The following RBM14 variants were observed in gnomAD, a reference collection of about 807,000 sequenced individuals.
RBM14 encodes RNA binding motif protein 14, also known as RNA-binding protein 14.
A neutral mutation model predicts 52.8 loss-of-function variants in RBM14; 5 were observed. That is an observed-to-expected ratio of 0.09 (90% confidence interval 0.05 to 0.20). The LOEUF is 0.20. Ranked by LOEUF, RBM14 falls within the 10% of genes least tolerant of loss-of-function variation. The pLI is 1.00. For synonymous variants in RBM14, 411 were observed against 401.8 expected, an observed-to-expected ratio of 1.02 and a Z score of -0.28; for missense variants, 780 against 926.6, an observed-to-expected ratio of 0.84 and a Z score of 2.05.
chr11:66,620,042 CAAG>C (rs1859034015), intron 1 of RBM14, among the ~76,000 whole-genome samples: 1 of 152,154 alleles, frequency 6.6e-6, no homozygotes, highest in Non-Finnish European at 1.5e-5. Context: ...GATCTGTGGG[CAAG>C]AAGGTTCCTG....
rs761053620 is a variant in RBM14, at chr11:66,625,252, G to T, written c.1376G>T (p.Gly459Val). ...GCACAAGCCACTACCCCAATGGCTG[G>T]CTCCTATGGGGCCCAGCCGGTTGTG... ...YAAQATTPMAGSYGAQPVVQT... is the reference protein window; with the variant it reads ...YAAQATTPMAVSYGAQPVVQT... The change falls in exon 2 of 3, where the codon GGC becomes GTC. Residue 459 changes from glycine to valine, a missense_variant. By Grantham distance (109) the Gly-to-Val change is moderately radical. Transcript: ENST00000310137. The surrounding 1 kb of genome is among the most constrained non-coding windows in gnomAD (Gnocchi z 4.2). 1 of 1,611,840 alleles carries T rather than the reference G, an allele frequency of 6.2e-7. No individual in the cohort carries two copies. The highest frequency in any genetic ancestry group is 1.1e-5 in the South Asian group (1 of 91,024).
chr11:66,618,152 C>T (rs1463950886), intron 1 of RBM14, among the ~76,000 whole-genome samples: 1 of 152,146 alleles, frequency 6.6e-6, no homozygotes, highest in African/African-American at 2.4e-5. Flanking sequence ...TTTGGTGGGA[C>T]AGCCGTTGTG....
Position 66,628,431 on chromosome 11 carries a change from T to C in RBM14, c.*1763T>C, listed in dbSNP as rs1340417411. ...TCATGTGAACTTGCCTGTGACAGAA[T>C]ATCTTGCCCTAGATGTCCTCTTCCC... On this transcript the variant is annotated 3_prime_UTR_variant, in exon 3 of 3. Transcript: ENST00000310137. Among the ~76,000 whole-genome samples, 1 of 152,202 alleles carries C rather than the reference T, an allele frequency of 6.6e-6. No homozygotes were observed. Among genetic ancestry groups the C allele is most frequent in the Non-Finnish European group, 1.5e-5 (1 of 68,038 alleles).
intron 1 of RBM14, chr11:66,618,512 A>G (rs755666389): frequency 7.1e-5 from 51 of 717,292 alleles, no homozygotes; most frequent in Non-Finnish European, 1.2e-4. Context: ...CAAGTCCACG[A>G]CTATCCGGAA....
rs1330829756 is a variant in RBM14, at chr11:66,628,743, G to A, written c.*2075G>A. ...TTGGTTATTACCCTGGAAAATTGAGGGTTGATGGTAGGGTTATGATTGTGG... is the reference window on the plus strand; with the variant it reads ...TTGGTTATTACCCTGGAAAATTGAGAGTTGATGGTAGGGTTATGATTGTGG... On this transcript the variant is annotated 3_prime_UTR_variant, in exon 3 of 3. Transcript: ENST00000310137. 6.6e-6 allele frequency among the ~76,000 whole-genome samples: 1 copy of A among 152,106 alleles called. No individual in the cohort carries two copies. Among genetic ancestry groups the A allele is most frequent in the African/African-American group, 2.4e-5 (1 of 41,412 alleles).
chr11:66,618,236 C>T (rs1046505280), intron 1 of RBM14, among the ~76,000 whole-genome samples: 9 of 152,118 alleles, frequency 5.9e-5, no homozygotes, highest in African/African-American at 1.7e-4. Flanking sequence ...AAGATGCAGC[C>T]TGGGAGTATC....
Position 66,629,567 on chromosome 11 carries a change from A to G in RBM14, c.*2899A>G, listed in dbSNP as rs973023269. The stretch of plus-strand genomic sequence containing the variant: ...CCAGGCATATTGTCCTATTAAGCCA[A>G]ATAGGTGGACATCATGGGATGGATG... On this transcript the variant is annotated 3_prime_UTR_variant, in exon 3 of 3. Transcript: ENST00000310137. Among the ~76,000 whole-genome samples the G allele has an allele frequency of 3.3e-5, 5 of 152,238 alleles. No individual in the cohort carries two copies. Among genetic ancestry groups the G allele is most frequent in the African/African-American group, 9.6e-5 (4 of 41,468 alleles).
In RBM14 at chr11:66,616,640, A is replaced by C; in HGVS notation, c.-81A>C. ...TCTCGGTCGCCAGCCATTCCTGAGG[A>C]GGACTGCCGGTCGTTCGGACGTCTT... On this transcript the variant is annotated 5_prime_UTR_variant, in exon 1 of 3. Transcript: ENST00000310137. The C allele has an allele frequency of 1.4e-6, 2 of 1,473,592 alleles. No individual in the cohort carries two copies. The highest frequency in any genetic ancestry group is 1.4e-5 in the South Asian group (1 of 72,526). The allele number at this position is 1,473,592 out of a possible 1,614,324, so 91.3% of individuals were successfully genotyped here.
In RBM14 at chr11:66,624,526, T is replaced by C; in HGVS notation, c.650T>C (p.Leu217Pro). The change falls in exon 2 of 3, where the codon CTG becomes CCG. Residue 217 changes from leucine to proline, a missense_variant. Coordinates refer to ENST00000310137, the MANE Select transcript of RBM14 (RefSeq NM_006328.4). This position sits in a 1 kb window ranked among gnomAD's most constrained non-coding sequence, Gnocchi z 4.7. ...PPFFGRDRSPLRRSPPRASYV... is the reference protein window; with the variant it reads ...PPFFGRDRSPPRRSPPRASYV... ...TTCTTTGGTCGCGACCGCAGCCCTC[T>C]GCGCCGTTCACCTCCCCGAGCCTCT... 6.2e-7 allele frequency: 1 copy of C among 1,613,620 alleles called. No homozygotes were observed. Among genetic ancestry groups the C allele is most frequent in the Non-Finnish European group, 8.5e-7 (1 of 1,179,964 alleles).
Position 66,617,260 on chromosome 11 carries a change from C to T in RBM14, c.337+203C>T, listed in dbSNP as rs1858881271. 39 of 1,390,146 alleles carry T rather than the reference C, an allele frequency of 2.8e-5. No individual in the cohort carries two copies. In the East Asian group the frequency reaches 1.0e-3, roughly 36 times the overall value. 86.1% of individuals were successfully genotyped at this position (1,390,146 alleles called of 1,614,324 possible). ...GAACCGTCCACCAAGTAGGAGGAAGCGGCTCTGGGTGGGTGCGGCGGCCAC... is the reference window on the plus strand; with the variant it reads ...GAACCGTCCACCAAGTAGGAGGAAGTGGCTCTGGGTGGGTGCGGCGGCCAC... On this transcript the variant is annotated intron_variant, in intron 1 of 2. Coordinates refer to ENST00000310137, the MANE Select transcript of RBM14 (RefSeq NM_006328.4).
At chr11:66,618,751 A>G (rs1018951443) in intron 1 of RBM14, among the ~76,000 whole-genome samples, 2 of 152,302 alleles carry the variant, frequency 1.3e-5, no homozygotes, top group Admixed American at 1.3e-4. Context: ...AGAGTCAAAC[A>G]TCTGAAGGGA....
chr11:66,624,045 G>C lies in RBM14; in HGVS notation c.338-169G>C. ...AGATGACTGCTTGGGACAGTCAGAA[G>C]CTTTGTTATATGGGAGCTACATTTT... is the stretch of plus-strand genomic sequence containing the variant. On this transcript the variant is annotated intron_variant, in intron 1 of 2. Coordinates refer to ENST00000310137, the MANE Select transcript of RBM14 (RefSeq NM_006328.4). The surrounding 1 kb of genome is among the most constrained non-coding windows in gnomAD (Gnocchi z 4.7). The C allele has an allele frequency of 8.6e-7, 1 of 1,156,702 alleles. No homozygotes were observed. Among genetic ancestry groups the C allele is most frequent in the South Asian group, 1.3e-5 (1 of 76,512 alleles). The allele number at this position is 1,156,702 out of a possible 1,614,324, so 71.7% of individuals were successfully genotyped here.
At position 66,629,770 on chromosome 11, in the gene RBM14, A is replaced by G. The variant is rs1937974574; in HGVS notation, c.*3102A>G. On this transcript the variant is annotated 3_prime_UTR_variant, in exon 3 of 3. Transcript: ENST00000310137. ...TTTTATGTCTAGATTTAAATCATGT[A>G]TCTGTCTGTAGTGCTTCAAATGTGG... 6.6e-6 allele frequency among the ~76,000 whole-genome samples: 1 copy of G among 152,158 alleles called. No homozygotes were observed. The highest frequency in any genetic ancestry group is 2.1e-4 in the South Asian group (1 of 4,826).
Position 66,616,710 on chromosome 11 carries a change from G to A in RBM14, c.-11G>A. 1 of 1,585,256 alleles carries A rather than the reference G, an allele frequency of 6.3e-7. No individual in the cohort carries two copies. The highest frequency in any genetic ancestry group is 8.6e-7 in the Non-Finnish European group (1 of 1,160,150). On this transcript the variant is annotated 5_prime_UTR_variant, in exon 1 of 3. Coordinates refer to ENST00000310137, the MANE Select transcript of RBM14 (RefSeq NM_006328.4). ...GTCCGGGCTCTCCAGGAAGGTGGCT[G>A]CGGCGACAAAATGAAGATATTCGTG...
rs1937977524 is a variant in RBM14 at position 66,629,836 on chromosome 11, G to A, written c.*3168G>A. Among the ~76,000 whole-genome samples the A allele has an allele frequency of 6.6e-6, 1 of 151,974 alleles. No individual in the cohort carries two copies. The highest frequency in any genetic ancestry group is 1.9e-4 in the East Asian group (1 of 5,178). The stretch of plus-strand genomic sequence containing the variant: ...CACACCTGTAATTCCCAGCGCTTTG[G>A]GAATTTGAGGCAAGAGGATTGCTAG... On this transcript the variant is annotated 3_prime_UTR_variant, in exon 3 of 3. Coordinates refer to ENST00000310137, the MANE Select transcript of RBM14 (RefSeq NM_006328.4).
At position 66,625,153 on chromosome 11, in the gene RBM14, C is replaced by T. The variant is rs1156606420; in HGVS notation, c.1277C>T (p.Ser426Phe). Residue 426 changes from serine to phenylalanine, a missense_variant, in exon 2 of 3, where the codon TCT (serine) becomes TTT (phenylalanine). Ser to Phe is a radical substitution (Grantham distance 155). Coordinates refer to ENST00000310137, the MANE Select transcript of RBM14 (RefSeq NM_006328.4). This position sits in a 1 kb window ranked among gnomAD's most constrained non-coding sequence, Gnocchi z 4.2. ...GCTGCACAGCAGGCTGCTTCCTACT[C>T]TTCCCAACCTGCTGCCTATGTGGCA... ...PYAAQQAASY[S>F]SQPAAYVAQP... is the part of the protein sequence containing the mutation. 1.9e-6 allele frequency: 3 copies of T among 1,612,724 alleles called. No homozygotes were observed. Among genetic ancestry groups the T allele is most frequent in the Non-Finnish European group, 2.5e-6 (3 of 1,180,010 alleles).
In RBM14 at chr11:66,624,794, T is replaced by A; in HGVS notation, c.918T>A (p.Gly306=). ...SAAASSLGPY[G]GAQPSASALS... Reference sequence around the variant, plus strand: ...CAGCTTCTTCACTCGGCCCATATGGTGGAGCCCAGCCCTCAGCCTCGGCCC... The same window carrying A: ...CAGCTTCTTCACTCGGCCCATATGGAGGAGCCCAGCCCTCAGCCTCGGCCC... The change falls in exon 2 of 3, where the codon GGT becomes GGA. Residue 306 remains glycine, a synonymous_variant. Transcript: ENST00000310137. This position sits in a 1 kb window ranked among gnomAD's most constrained non-coding sequence, Gnocchi z 4.7. The A allele has an allele frequency of 1.2e-6, 2 of 1,614,076 alleles. No homozygotes were observed. The highest frequency in any genetic ancestry group is 1.7e-6 in the Non-Finnish European group (2 of 1,179,980).
chr11:66,628,692 T>C lies in RBM14; in HGVS notation c.*2024T>C, dbSNP rs1937924722. On this transcript the variant is annotated 3_prime_UTR_variant, in exon 3 of 3. Transcript: ENST00000310137. Reference sequence around the variant, plus strand: ...TTCTCTGCGTGGTGATGGGGTGGTCTGAGGGCCAAGTTAATAAGCCTACCT... The same window carrying C: ...TTCTCTGCGTGGTGATGGGGTGGTCCGAGGGCCAAGTTAATAAGCCTACCT... Among the ~76,000 whole-genome samples the C allele has an allele frequency of 6.6e-6, 1 of 152,156 alleles. No homozygotes were observed. Among genetic ancestry groups the C allele is most frequent in the South Asian group, 2.1e-4 (1 of 4,832 alleles).
At chr11:66,621,818 G>A (rs1345300912) in intron 1 of RBM14, among the ~76,000 whole-genome samples, 1 of 152,186 alleles carries the variant, frequency 6.6e-6, no homozygotes, top group Admixed American at 6.5e-5. Flanking sequence ...TTATTCTGTA[G>A]CTGTTCATAT....
Sources: allele counts gnomAD v4.1 joint callset (sites outside exome capture counted in the v4.1 genomes callset), GRCh38; gene constraint gnomAD v4.1.1; non-coding constraint Gnocchi (gnomAD v3.1); transcripts MANE v1.5; gene names NCBI Gene and HGNC (gene_info 2026-07-23, HGNC 2026-07-21).